LEKR1: variants seen among roughly 807,000 people sequenced by gnomAD.
LEKR1 encodes the protein protein LEKR1.
In LEKR1, 59 loss-of-function variants were observed where a neutral mutation model predicts 72.4. That is an observed-to-expected ratio of 0.82 (90% CI 0.66 to 1.01). The LOEUF is 1.01. LEKR1 is among the 50% of genes least tolerant of loss of function. The probability of loss-of-function intolerance (pLI) is 0.00; values close to 1 mark genes in which losing one functional copy is unlikely to be tolerated. For synonymous variants in LEKR1, 257 were observed against 263.2 expected (o/e 0.98, Z 0.23); for missense variants, 728 against 759.2 (o/e 0.96, Z 0.48).
At chr3:156,839,206 A>C (rs1195311600) in intron 2 of LEKR1, among the ~76,000 whole-genome samples, 1 of 152,210 alleles carries the variant, frequency 6.6e-6, no homozygotes, top group Non-Finnish European at 1.5e-5. Context: ...ATCAGGTGTT[A>C]GTCTTTTGGT....
At chr3:156,951,165 T>G (rs1727121598) in intron 6 of LEKR1, among the ~76,000 whole-genome samples, 1 of 151,824 alleles carries the variant, frequency 6.6e-6, no homozygotes. Context: ...TTAATCACAT[T>G]TATTGATTTG....
chr3:156,902,300 ATAACT>A (rs971596151), intron 3 of LEKR1, among the ~76,000 whole-genome samples: 2 of 152,168 alleles, frequency 1.3e-5, no homozygotes, highest in Admixed American at 1.3e-4. Flanking sequence ...ACTTCATAAA[ATAACT>A]TATATTAATT....
intron 3 of LEKR1, among the ~76,000 whole-genome samples, chr3:156,861,969 A>G (rs897511400): frequency 5.3e-5 from 8 of 152,142 alleles, no homozygotes; most frequent in Admixed American, 5.2e-4. Context: ...ATGTGCAAAC[A>G]GTAAATAGAA....
At chr3:156,933,544 C>T (rs891223248) in intron 5 of LEKR1, among the ~76,000 whole-genome samples, 2 of 152,066 alleles carry the variant, frequency 1.3e-5, no homozygotes, top group East Asian at 1.9e-4. Context: ...GTAAAATAGT[C>T]GTCTTGGTAA....
intron 7 of LEKR1, among the ~76,000 whole-genome samples, chr3:156,984,654 GTGA>G (rs1730521042): frequency 6.6e-6 from 1 of 152,192 alleles, no homozygotes; most frequent in East Asian, 1.9e-4. Context: ...TCCAGCCTGG[GTGA>G]CAGAGCGAGA....
chr3:156,977,382 T>C (rs919151027), intron 6 of LEKR1, among the ~76,000 whole-genome samples: 1 of 151,994 alleles, frequency 6.6e-6, no homozygotes, highest in African/African-American at 2.4e-5. Context: ...GGAAAAAAAA[T>C]TGAACCTGTG....
intron 2 of LEKR1, among the ~76,000 whole-genome samples, chr3:156,845,342 G>A (rs913162592): frequency 2.6e-5 from 4 of 151,870 alleles, no homozygotes; most frequent in Non-Finnish European, 5.9e-5. Flanking sequence ...TAAATTTGAT[G>A]AAATTCAGGT....
intron 5 of LEKR1, among the ~76,000 whole-genome samples, chr3:156,934,657 C>A (rs1288902906): frequency 1.3e-5 from 2 of 151,708 alleles, no homozygotes; most frequent in African/African-American, 2.4e-5. Context: ...GAATCATAAA[C>A]ATAAAACAAC....
chr3:156,845,616 T>G (rs1053637938), intron 2 of LEKR1, among the ~76,000 whole-genome samples: 2 of 152,134 alleles, frequency 1.3e-5, no homozygotes, highest in Non-Finnish European at 2.9e-5. Flanking sequence ...TTGAACTGCT[T>G]TTGTACCTTT....
intron 12 of LEKR1, among the ~76,000 whole-genome samples, chr3:157,038,884 T>C (rs764610005): frequency 1.3e-5 from 2 of 152,212 alleles, no homozygotes; most frequent in Non-Finnish European, 2.9e-5. Flanking sequence ...ATAAAGACTG[T>C]AATTAGCCTC....
chr3:156,884,502 T>C (rs1390527554), intron 3 of LEKR1, among the ~76,000 whole-genome samples: 1 of 152,214 alleles, frequency 6.6e-6, no homozygotes, highest in Non-Finnish European at 1.5e-5. Context: ...AGGATTTGTT[T>C]GACTGAAAAA....
chr3:156,857,695 G>A (rs998167530), intron 3 of LEKR1, among the ~76,000 whole-genome samples: 7 of 152,174 alleles, frequency 4.6e-5, no homozygotes, highest in Middle Eastern at 3.2e-3. Context: ...AAATCAAAGT[G>A]TTTTGTTTCT....
chr3:156,894,377 G>C (rs1010675708), intron 3 of LEKR1, among the ~76,000 whole-genome samples: 1 of 152,106 alleles, frequency 6.6e-6, no homozygotes, highest in Non-Finnish European at 1.5e-5. Context: ...GGATTCCTAA[G>C]AAATATTATT....
intron 3 of LEKR1, among the ~76,000 whole-genome samples, chr3:156,901,877 G>C (rs567886561): frequency 1.3e-5 from 2 of 152,142 alleles, no homozygotes; most frequent in Non-Finnish European, 2.9e-5. Context: ...GTAGAGACAG[G>C]GTTTCATTAT....
At chr3:156,971,328 CA>C (rs1304088019) in intron 6 of LEKR1, among the ~76,000 whole-genome samples, 4 of 152,084 alleles carry the variant, frequency 2.6e-5, no homozygotes, top group Non-Finnish European at 2.9e-5. Context: ...ACACCTTATA[CA>C]AAAATTAATT....
chr3:156,838,368 C>T (rs1449466418), intron 2 of LEKR1, among the ~76,000 whole-genome samples: 1 of 152,120 alleles, frequency 6.6e-6, no homozygotes. Context: ...AACAAAAAGG[C>T]CTTCCAAACC....
intron 6 of LEKR1, among the ~76,000 whole-genome samples, chr3:156,973,309 G>C (rs749613211): frequency 2.0e-5 from 3 of 152,018 alleles, no homozygotes; most frequent in Admixed American, 6.6e-5. Flanking sequence ...AAGCACTTAG[G>C]GTATAGTACC....
intron 3 of LEKR1, among the ~76,000 whole-genome samples, chr3:156,854,310 A>G (rs2108538850): frequency 6.6e-6 from 1 of 151,672 alleles, no homozygotes; most frequent in East Asian, 1.9e-4. Flanking sequence ...TGCACGGCTA[A>G]TTTTTTGATA....
intron 9 of LEKR1, among the ~76,000 whole-genome samples, chr3:156,998,439 T>C (rs1262937754): frequency 6.6e-6 from 1 of 152,206 alleles, no homozygotes; most frequent in Non-Finnish European, 1.5e-5. Flanking sequence ...ACACACTGTT[T>C]ATAATAGCTC....
Sources: allele counts gnomAD v4.1 joint callset (sites outside exome capture counted in the v4.1 genomes callset), GRCh38; gene constraint gnomAD v4.1.1; transcripts MANE v1.5; gene names NCBI Gene and HGNC (gene_info 2026-07-23, HGNC 2026-07-21).